GLIS3: variants seen among roughly 807,000 people sequenced by gnomAD.
GLIS3 encodes GLIS family zinc finger 3.
GLIS3 carries 53 observed loss-of-function variants against 78.6 expected under a neutral mutation model. The ratio of observed to expected loss-of-function variants is 0.67; its 90% confidence interval spans 0.54 to 0.85. GLIS3 has a LOEUF of 0.85. Ranked by LOEUF, GLIS3 falls within the 40% of genes least tolerant of loss-of-function variation. The pLI is 0.00. For missense variants in GLIS3, 1,703 were observed against 1,231.1 expected, an observed-to-expected ratio of 1.38 and a Z score of -5.74; for synonymous variants, 684 against 509.9, an observed-to-expected ratio of 1.34 and a Z score of -4.60.
At chr9:4,095,189 C>T (rs1450155889) in intron 4 of GLIS3, among the ~76,000 whole-genome samples, 1 of 152,182 alleles carries the variant, frequency 6.6e-6, no homozygotes, top group East Asian at 1.9e-4. Flanking sequence ...CGCCTTCCCC[C>T]TACCCTTCCC....
At chr9:4,086,950 G>A (rs376260696) in intron 4 of GLIS3, among the ~76,000 whole-genome samples, 1 of 152,072 alleles carries the variant, frequency 6.6e-6, no homozygotes, top group African/African-American at 2.4e-5. Flanking sequence ...ACCCGTAGAC[G>A]GCAGAGGCTC....
chr9:4,467,897 A>G, the GLIS3 span, among the ~76,000 whole-genome samples: 3 of 152,224 alleles, frequency 2.0e-5, no homozygotes, highest in Non-Finnish European at 4.4e-5. Context: ...TTGAAAAAAG[A>G]TTAGACGAAT....
chr9:3,973,052 C>G (rs13291857), intron 4 of GLIS3, among the ~76,000 whole-genome samples: 14,076 of 152,154 alleles, frequency 0.093, 723 homozygotes, highest in Middle Eastern at 0.17. Flanking sequence ...GAAGGACCCA[C>G]AGAACTCACT....
intron 4 of GLIS3, among the ~76,000 whole-genome samples, chr9:4,109,365 A>T (rs968127557): frequency 2.0e-5 from 3 of 152,212 alleles, no homozygotes; most frequent in African/African-American, 4.8e-5. Context: ...AACTGATCAA[A>T]TAACTTTGGT....
At chr9:4,249,740 A>AT (rs1824171552) in intron 2 of GLIS3, among the ~76,000 whole-genome samples, 1 of 152,218 alleles carries the variant, frequency 6.6e-6, no homozygotes, top group African/African-American at 2.4e-5. Context: ...ATTCAGTATG[A>AT]TATTGACTGT....
the GLIS3 span, among the ~76,000 whole-genome samples, chr9:4,355,229 T>G: frequency 1.3e-5 from 2 of 152,126 alleles, no homozygotes; most frequent in Non-Finnish European, 2.9e-5. Context: ...TGGGCACATC[T>G]GGGTCCCAAA....
chr9:4,084,844 T>C (rs892896863), intron 4 of GLIS3, among the ~76,000 whole-genome samples: 1 of 151,916 alleles, frequency 6.6e-6, no homozygotes, highest in Non-Finnish European at 1.5e-5. Flanking sequence ...TCTCAATCCA[T>C]GCACAGGAAT....
intron 2 of GLIS3, among the ~76,000 whole-genome samples, chr9:4,278,144 T>C (rs1254020654): frequency 6.6e-6 from 1 of 152,222 alleles, no homozygotes; most frequent in African/African-American, 2.4e-5. Flanking sequence ...CACTGACAAG[T>C]GTGCAACAAG....
In GLIS3 at chr9:3,937,112, C is replaced by G; in HGVS notation, c.1788G>C (p.Pro596=). Reference sequence around the variant, plus strand: ...GACAACCCGGATGCTGGCACAAATACGGCTTCTCGCCTGTGTGGCTCCGCA... The same window carrying G: ...GACAACCCGGATGCTGGCACAAATAGGGCTTCTCGCCTGTGTGGCTCCGCA... The part of the protein sequence containing the change: ...IHLRSHTGEK[P]YLCQHPGCQK... Residue 596 remains proline, a synonymous_variant, in exon 5 of 11, where the codon CCG becomes CCC. Transcript: ENST00000381971. 6.2e-7 allele frequency: 1 copy of G among 1,614,058 alleles called. No individual in the cohort carries two copies. Among genetic ancestry groups the G allele is most frequent in the Non-Finnish European group, 8.5e-7 (1 of 1,180,024 alleles).
At chr9:4,327,238 A>G (rs1053938575) in intron 2 of GLIS3, among the ~76,000 whole-genome samples, 2 of 152,212 alleles carry the variant, frequency 1.3e-5, no homozygotes, top group Non-Finnish European at 2.9e-5. Flanking sequence ...AGGCCAGAGC[A>G]GTGAGACTGA....
chr9:4,125,117 G>A (rs539264999), intron 3 of GLIS3, among the ~76,000 whole-genome samples: 89 of 152,176 alleles, frequency 5.8e-4, no homozygotes, highest in Admixed American at 1.6e-3. Context: ...GAACCTAATC[G>A]ACATTGTGTT....
intron 2 of GLIS3, among the ~76,000 whole-genome samples, chr9:4,311,811 T>C (rs891732227): frequency 4.6e-5 from 7 of 152,210 alleles, no homozygotes; most frequent in Non-Finnish European, 7.3e-5. Flanking sequence ...AGTGGTTAGG[T>C]GACAGGAATT....
chr9:4,175,484 A>C (rs1012185779), intron 2 of GLIS3, among the ~76,000 whole-genome samples: 4 of 151,992 alleles, frequency 2.6e-5, no homozygotes, highest in African/African-American at 9.7e-5. Context: ...CTGAACACAA[A>C]TAACTTTAAC....
chr9:4,419,573 T>G, the GLIS3 span, among the ~76,000 whole-genome samples: 1 of 151,978 alleles, frequency 6.6e-6, no homozygotes, highest in African/African-American at 2.4e-5. Flanking sequence ...GTGGATCACT[T>G]GAGGTCAGGA....
chr9:4,063,877 G>T (rs1374320734), intron 4 of GLIS3, among the ~76,000 whole-genome samples: 1 of 152,130 alleles, frequency 6.6e-6, no homozygotes, highest in Non-Finnish European at 1.5e-5. Context: ...GTACGTGTGT[G>T]AGTTCCCAAT....
chr9:4,143,576 T>A (rs192764302), intron 2 of GLIS3, among the ~76,000 whole-genome samples: 2 of 144,444 alleles, frequency 1.4e-5, no homozygotes, highest in African/African-American at 2.6e-5. Context: ...AAAAAAAAAA[T>A]AAAAACAAAA....
intron 2 of GLIS3, among the ~76,000 whole-genome samples, chr9:4,311,009 G>A (rs748725693): frequency 1.3e-5 from 2 of 152,216 alleles, no homozygotes; most frequent in African/African-American, 4.8e-5. Context: ...AGGATTTGGA[G>A]GGCAGTGGGC....
chr9:4,272,805 A>G (rs1826635624), intron 2 of GLIS3, among the ~76,000 whole-genome samples: 1 of 152,204 alleles, frequency 6.6e-6, no homozygotes, highest in African/African-American at 2.4e-5. Flanking sequence ...TCTAAATGTA[A>G]TGAAACTTTC....
At chr9:4,244,835 C>G (rs1823649595) in intron 2 of GLIS3, among the ~76,000 whole-genome samples, 1 of 152,146 alleles carries the variant, frequency 6.6e-6, no homozygotes, top group Admixed American at 6.5e-5. Context: ...CTCAGCCTCC[C>G]AAAATGCTGA....
Sources: gnomAD v4.1 joint callset for allele counts (sites outside exome capture counted in the v4.1 genomes callset) on GRCh38, gnomAD v4.1.1 for gene constraint, MANE v1.5 for transcripts, NCBI Gene and HGNC (gene_info 2026-07-23, HGNC 2026-07-21) for gene names.